Variants in CHST8 observed in about 807,000 individuals in gnomAD.
CHST8 encodes the protein GALNAC-4-ST1.
Under a neutral mutation model 15.0 loss-of-function variants are expected in CHST8, and 10 were observed. That is an observed-to-expected ratio of 0.67 (90% CI 0.41 to 1.13). CHST8 has a LOEUF of 1.13. Ranked by LOEUF, CHST8 falls within the 50% of genes most tolerant of loss-of-function variation. The pLI is 0.00. For missense variants in CHST8, 634 were observed against 608.2 expected, an observed-to-expected ratio of 1.04 and a Z score of -0.45; for synonymous variants, 259 against 256.6, an observed-to-expected ratio of 1.01 and a Z score of -0.09.
chr19:33,746,067 A>C (rs1458629262), intron 3 of CHST8, among the ~76,000 whole-genome samples: 1 of 152,258 alleles, frequency 6.6e-6, no homozygotes. Flanking sequence ...TTGAACTCAC[A>C]GCAGTCTTTA....
intron 3 of CHST8, among the ~76,000 whole-genome samples, chr19:33,740,888 G>C (rs772219644): frequency 6.6e-6 from 1 of 152,164 alleles, no homozygotes; most frequent in Non-Finnish European, 1.5e-5. Flanking sequence ...AACCTCACGG[G>C]TTATCCATGG....
chr19:33,673,673 C>T (rs1972773010), intron 2 of CHST8, among the ~76,000 whole-genome samples: 1 of 152,118 alleles, frequency 6.6e-6, no homozygotes, highest in Non-Finnish European at 1.5e-5. Flanking sequence ...CTGCCTTCCT[C>T]CTGGGCATGC....
At chr19:33,741,213 A>G (rs2145340268) in intron 3 of CHST8, among the ~76,000 whole-genome samples, 1 of 152,256 alleles carries the variant, frequency 6.6e-6, no homozygotes, top group Middle Eastern at 3.4e-3. Context: ...CTCTGCCTGT[A>G]ACGTCAGTCC....
At chr19:33,771,918 T>C in intron 4 of CHST8, 39 bp from the exon 5 acceptor site, 1 of 1,523,814 alleles carries the variant, frequency 6.6e-7, no homozygotes, top group African/African-American at 1.4e-5. Context: ...TGCCCAGCTG[T>C]CCTTTCCACT....
At chr19:33,713,994 G>A (rs192290888) in intron 3 of CHST8, among the ~76,000 whole-genome samples, 1 of 152,296 alleles carries the variant, frequency 6.6e-6, no homozygotes, top group East Asian at 1.9e-4. Context: ...GGAGGGGCAG[G>A]CGTTGCTTAG....
intron 3 of CHST8, among the ~76,000 whole-genome samples, chr19:33,720,147 A>G (rs987241764): frequency 3.3e-5 from 5 of 152,046 alleles, no homozygotes; most frequent in Admixed American, 6.6e-5. Flanking sequence ...TCCTCATACC[A>G]TGGGGAGGGA....
chr19:33,691,510 C>T (rs1315123926), intron 3 of CHST8, among the ~76,000 whole-genome samples: 1 of 152,244 alleles, frequency 6.6e-6, no homozygotes, highest in Non-Finnish European at 1.5e-5. Flanking sequence ...TTCATTTATT[C>T]CTTCCCTGTA....
At chr19:33,750,520 C>T (rs12978432) in intron 3 of CHST8, among the ~76,000 whole-genome samples, 15,526 of 152,190 alleles carry the variant, frequency 0.1, 1,047 homozygotes, top group Non-Finnish European at 0.15. Context: ...TCCCCCACCC[C>T]TAAGCCTCGG....
intron 3 of CHST8, among the ~76,000 whole-genome samples, chr19:33,692,537 A>T (rs1973116409): frequency 6.6e-6 from 1 of 152,168 alleles, no homozygotes; most frequent in Non-Finnish European, 1.5e-5. Flanking sequence ...GTCTCTACAA[A>T]AAAAAATAAA....
chr19:33,661,383 T>C (rs1216558922), intron 1 of CHST8, among the ~76,000 whole-genome samples: 1 of 152,198 alleles, frequency 6.6e-6, no homozygotes, highest in Non-Finnish European at 1.5e-5. Flanking sequence ...GAACTGAGGT[T>C]GAGCTCATGT....
intron 3 of CHST8, among the ~76,000 whole-genome samples, chr19:33,725,078 C>A (rs78598535): frequency 6.6e-6 from 1 of 151,932 alleles, no homozygotes; most frequent in Non-Finnish European, 1.5e-5. Flanking sequence ...TATCGGGGGG[C>A]GCTGTTATGA....
chr19:33,743,641 G>A (rs1156274701), intron 3 of CHST8, among the ~76,000 whole-genome samples: 1 of 151,922 alleles, frequency 6.6e-6, no homozygotes, highest in Non-Finnish European at 1.5e-5. Flanking sequence ...TTGAGTGTGG[G>A]CATTGCTTTC....
rs1189606179 is a variant in CHST8 at position 33,649,115 on chromosome 19, G to C, written c.-163-18652G>C. ...GACAGGGTTTCACTATGTTGGCCAGGCTGGTCTCAAACTTCTGAGCTCAAT... is the reference window on the plus strand; with the variant it reads ...GACAGGGTTTCACTATGTTGGCCAGCCTGGTCTCAAACTTCTGAGCTCAAT... On this transcript the variant is annotated intron_variant, in intron 1 of 4. Transcript: ENST00000650847. Among the ~76,000 whole-genome samples, 3 of 151,964 alleles carry C rather than the reference G, an allele frequency of 2.0e-5. No individual in the cohort carries two copies. The East Asian group carries it at 5.8e-4, about 30-fold the overall frequency.
At chr19:33,628,467 A>T (rs1297650077) in intron 1 of CHST8, among the ~76,000 whole-genome samples, 1 of 152,228 alleles carries the variant, frequency 6.6e-6, no homozygotes, top group South Asian at 2.1e-4. Flanking sequence ...GCTTCCCCTC[A>T]GACATTGGTC....
chr19:33,723,637 G>T (rs1973841451), intron 3 of CHST8, among the ~76,000 whole-genome samples: 1 of 152,210 alleles, frequency 6.6e-6, no homozygotes, highest in South Asian at 2.1e-4. Flanking sequence ...GGCAGTCTGA[G>T]GGTGAAGGAT....
intron 1 of CHST8, among the ~76,000 whole-genome samples, chr19:33,657,156 C>CACACACACA (rs756944119): frequency 6.8e-6 from 1 of 146,400 alleles, no homozygotes; most frequent in Admixed American, 6.7e-5. Context: ...CACACACACA[C>CACACACACA]AAACACACAT....
chr19:33,696,629 G>A (rs975043002), intron 3 of CHST8, among the ~76,000 whole-genome samples: 2 of 151,874 alleles, frequency 1.3e-5, no homozygotes, highest in Non-Finnish European at 2.9e-5. Flanking sequence ...GAACCACCTC[G>A]AAACCACCAC....
chr19:33,675,162 G>A (rs1356596848), intron 2 of CHST8, among the ~76,000 whole-genome samples: 1 of 152,146 alleles, frequency 6.6e-6, no homozygotes. Flanking sequence ...GGGAGGAGCT[G>A]ACCCCAGGGC....
chr19:33,772,454 C>G lies in CHST8; in HGVS notation c.666C>G (p.Ile222Met), dbSNP rs1204213279. Residue 222 changes from isoleucine to methionine, a missense_variant, in exon 5 of 5, where the codon ATC becomes ATG. Coordinates refer to ENST00000650847, the MANE Select transcript of CHST8 (RefSeq NM_001127895.2). The stretch of plus-strand genomic sequence containing the variant: ...GCCTGGCCTCGTCCACTGCCGACAT[C>G]CAGCACAACACCGTCCACTATGGCA... ...LAGLASSTAD[I>M]QHNTVHYGSA... 1.3e-5 allele frequency: 21 copies of G among 1,612,814 alleles called. No individual in the cohort carries two copies. Among genetic ancestry groups the G allele is most frequent in the Non-Finnish European group, 1.8e-5 (21 of 1,180,016 alleles).
Sources: gnomAD v4.1 joint callset for allele counts (sites outside exome capture counted in the v4.1 genomes callset) on GRCh38, gnomAD v4.1.1 for gene constraint, MANE v1.5 for transcripts, NCBI Gene and HGNC (gene_info 2026-07-23, HGNC 2026-07-21) for gene names.